GNAL: variants seen among roughly 807,000 people sequenced by gnomAD.
The protein encoded by GNAL is G protein subunit alpha L.
A neutral mutation model predicts 55.1 loss-of-function variants in GNAL; 18 were observed. The ratio of observed to expected loss-of-function variants is 0.33; its 90% CI spans 0.23 to 0.48. The LOEUF (loss-of-function observed/expected upper bound fraction) is 0.48. GNAL is among the 20% of genes least tolerant of loss of function. The probability of loss-of-function intolerance (pLI) is 0.99; values close to 1 mark genes in which losing one functional copy is unlikely to be tolerated. For synonymous variants in GNAL, 253 were observed against 237.0 expected, an observed-to-expected ratio of 1.07 and a Z score of -0.62; for missense variants, 412 against 614.1, an observed-to-expected ratio of 0.67 and a Z score of 3.48.
chr18:11,852,001 C>T (rs1289732853), intron 5 of GNAL: 4 of 1,613,554 alleles, frequency 2.5e-6, no homozygotes, highest in South Asian at 1.1e-5. Flanking sequence ...GGGCCTCGAC[C>T]TCAACATGGA....
At chr18:11,716,483 C>T (rs543931092) in intron 1 of GNAL, among the ~76,000 whole-genome samples, 5 of 152,052 alleles carry the variant, frequency 3.3e-5, no homozygotes, top group Non-Finnish European at 2.9e-5. Flanking sequence ...TGGAAGGGGA[C>T]GGGAGCAGGT....
chr18:11,804,161 C>T (rs1240402582), intron 4 of GNAL, among the ~76,000 whole-genome samples: 3 of 143,168 alleles, frequency 2.1e-5, no homozygotes, highest in Non-Finnish European at 3.0e-5. Flanking sequence ...GGATGGAACA[C>T]GGAGATACTG....
chr18:11,877,822 A>C lies in GNAL; in HGVS notation c.1230+1134A>C, dbSNP rs141730194. Among the ~76,000 whole-genome samples, 375 of 152,302 alleles carry C rather than the reference A, an allele frequency of 2.5e-3. 1 individual carries two copies. Among genetic ancestry groups the C allele is most frequent in the African/African-American group, 8.5e-3 (354 of 41,566 alleles). On this transcript the variant is annotated intron_variant, in intron 11 of 11. Transcript: ENST00000334049. ...ATCCTACAGTGAGTTAGAAAGTAAC[A>C]ATGAGGAGAAATCAAGGCCCCAGGG...
In GNAL at chr18:11,881,090, C is replaced by T. The variant is rs909034870; in HGVS notation, c.1332C>T (p.Arg444=). The T allele has an allele frequency of 1.9e-6, 3 of 1,613,038 alleles. No homozygotes were observed. The African/African-American group carries it at 4.0e-5, about 22-fold the overall frequency. Residue 444 remains arginine (R), a synonymous_variant, in exon 12 of 12, where the codon CGC becomes CGT. Coordinates refer to ENST00000334049, the MANE Select transcript of GNAL (RefSeq NM_182978.4). The surrounding 1 kb of genome is among the most constrained non-coding windows in gnomAD (Gnocchi z 4.8). ...ENIRRVFNDC[R]DIIQRMHLKQ... is the part of the protein sequence containing the mutation. ...TCCGCAGGGTGTTCAACGACTGCCG[C>T]GACATCATCCAGCGGATGCACCTCA... is the stretch of plus-strand genomic sequence containing the variant.
intron 1 of GNAL, among the ~76,000 whole-genome samples, chr18:11,704,769 A>G (rs1407026801): frequency 7.4e-6 from 1 of 135,164 alleles, no homozygotes; most frequent in Non-Finnish European, 1.6e-5. Context: ...GTGAAAGTTA[A>G]GTCCATTATC....
chr18:11,755,496 C>T (rs2033022366), intron 4 of GNAL, among the ~76,000 whole-genome samples: 2 of 152,148 alleles, frequency 1.3e-5, no homozygotes, highest in African/African-American at 4.8e-5. Flanking sequence ...AGGATGGTCT[C>T]GATCTCCTGA....
chr18:11,788,914 A>AAAAAAAAATATAT (rs60071996), intron 4 of GNAL, among the ~76,000 whole-genome samples: 37 of 56,300 alleles, frequency 6.6e-4, no homozygotes, highest in African/African-American at 1.5e-3. Flanking sequence ...AAAAAAAAAA[A>AAAAAAAAATATAT]ATATATATAT....
At chr18:11,700,185 G>A (rs1195671486) in intron 1 of GNAL, among the ~76,000 whole-genome samples, 2 of 152,210 alleles carry the variant, frequency 1.3e-5, no homozygotes, top group East Asian at 1.9e-4. Flanking sequence ...GGGGCCATAA[G>A]CTGATGGCCC....
chr18:11,748,230 T>C (rs186654942), intron 1 of GNAL, among the ~76,000 whole-genome samples: 13 of 152,338 alleles, frequency 8.5e-5, no homozygotes, highest in African/African-American at 2.9e-4. Flanking sequence ...AGGAAAGTGC[T>C]TTTATGTTTT....
At chr18:11,872,757 A>C (rs1486829299) in intron 10 of GNAL, among the ~76,000 whole-genome samples, 2 of 152,234 alleles carry the variant, frequency 1.3e-5, no homozygotes, top group African/African-American at 2.4e-5. Context: ...CTTCACCCTC[A>C]GATGACCCTG....
intron 5 of GNAL, among the ~76,000 whole-genome samples, chr18:11,829,240 TC>T (rs1394897942): frequency 6.6e-6 from 1 of 152,170 alleles, no homozygotes; most frequent in East Asian, 1.9e-4. Context: ...AGAAACTGGT[TC>T]CCCCTTGAGG....
chr18:11,766,093 T>C (rs775642922), intron 4 of GNAL, among the ~76,000 whole-genome samples: 1 of 152,226 alleles, frequency 6.6e-6, no homozygotes, highest in Non-Finnish European at 1.5e-5. Context: ...GCTATTCTTA[T>C]GCCAAATTAA....
At chr18:11,829,007 C>T (rs1486511708) in intron 5 of GNAL, among the ~76,000 whole-genome samples, 1 of 152,198 alleles carries the variant, frequency 6.6e-6, no homozygotes, top group African/African-American at 2.4e-5. Flanking sequence ...TAGAGAGGTG[C>T]CTACGATCAC....
chr18:11,870,632 C>T (rs1385954053), intron 9 of GNAL, among the ~76,000 whole-genome samples: 1 of 152,134 alleles, frequency 6.6e-6, no homozygotes, highest in Non-Finnish European at 1.5e-5. Flanking sequence ...ACAATCACCA[C>T]ATAATCATGT....
chr18:11,751,743 A>G lies in GNAL; in HGVS notation c.377-1110A>G, dbSNP rs1487183422. 1 of 802,134 alleles carries G rather than the reference A, an allele frequency of 1.2e-6. No homozygotes were observed. The highest frequency in any genetic ancestry group is 1.9e-5 in the African/African-American group (1 of 53,846). The allele number at this position is 802,134 out of a possible 1,614,324, so 49.7% of individuals were successfully genotyped here. ...AGCCGGCCGGGCTCCGTGGGGGGTC[A>G]GCTCCCTGACCCCTACAGCGCGGTA... On this transcript the variant is annotated intron_variant, in intron 1 of 11. Transcript: ENST00000334049. This position sits in a 1 kb window ranked among gnomAD's most constrained non-coding sequence, Gnocchi z 4.5.
chr18:11,799,748 A>T (rs976849149), intron 4 of GNAL, among the ~76,000 whole-genome samples: 3 of 152,156 alleles, frequency 2.0e-5, no homozygotes, highest in Non-Finnish European at 2.9e-5. Flanking sequence ...AGCCTGTACT[A>T]CTTTTGCATA....
chr18:11,748,708 C>T (rs1375468207), intron 1 of GNAL, among the ~76,000 whole-genome samples: 1 of 152,050 alleles, frequency 6.6e-6, no homozygotes, highest in Non-Finnish European at 1.5e-5. Context: ...TATAAGTTTT[C>T]AAGGGATTTA....
intron 8 of GNAL, among the ~76,000 whole-genome samples, chr18:11,867,581 G>A (rs1452970993): frequency 1.3e-5 from 2 of 152,018 alleles, no homozygotes; most frequent in Non-Finnish European, 2.9e-5. Flanking sequence ...TTGGGAGGCC[G>A]AGGCGGGCAG....
chr18:11,876,564 A>G, intron 10 of GNAL, 57 bp from the exon 11 acceptor site: 1 of 1,019,046 alleles, frequency 9.8e-7, no homozygotes, highest in Non-Finnish European at 1.6e-6. Flanking sequence ...GTGTTTTCGT[A>G]GAGTTGTATC....
Sources: allele counts gnomAD v4.1 joint callset (sites outside exome capture counted in the v4.1 genomes callset), GRCh38; gene constraint gnomAD v4.1.1; non-coding constraint Gnocchi (gnomAD v3.1); transcripts MANE v1.5; gene names NCBI Gene and HGNC (gene_info 2026-07-23, HGNC 2026-07-21).